The following UBA6 variants were observed in gnomAD, a reference collection of about 807,000 sequenced individuals.
The protein encoded by UBA6 is ubiquitin-like modifier-activating enzyme 6.
Under a neutral mutation model 148.3 loss-of-function variants are expected in UBA6, and 87 were observed. The observed-to-expected ratio is 0.59, with a 90% CI of 0.49 to 0.70. The LOEUF (loss-of-function observed/expected upper bound fraction) is 0.70. Ranked by LOEUF, UBA6 falls within the 30% of genes least tolerant of loss-of-function variation. The probability of loss-of-function intolerance (pLI) is 0.00; values close to 1 mark genes in which losing one functional copy is unlikely to be tolerated. For synonymous variants in UBA6, 376 were observed against 401.0 expected, an observed-to-expected ratio of 0.94 and a Z score of 0.75; for missense variants, 1,186 against 1,241.2, an observed-to-expected ratio of 0.96 and a Z score of 0.67.
intron 6 of UBA6, among the ~76,000 whole-genome samples, chr4:67,674,926 G>A (rs2109943841): frequency 6.6e-6 from 1 of 151,980 alleles, no homozygotes; most frequent in East Asian, 1.9e-4. Flanking sequence ...GTGCAGTGGT[G>A]CGATCTGGGC....
intron 14 of UBA6, among the ~76,000 whole-genome samples, chr4:67,647,296 A>G (rs1226542812): frequency 1.3e-5 from 2 of 152,110 alleles, no homozygotes; most frequent in East Asian, 3.9e-4. Flanking sequence ...AGTGCGTGCC[A>G]CCATGCCTGG....
chr4:67,663,835 C>T, intron 11 of UBA6, 50 bp downstream of exon 11: 1 of 1,482,566 alleles, frequency 6.7e-7, no homozygotes. Flanking sequence ...CTCACTAATT[C>T]TCATCTCTGA....
Position 67,622,918 on chromosome 4 carries a change from T to A in UBA6, c.2936A>T (p.Tyr979Phe). The A allele has an allele frequency of 6.2e-7, 1 of 1,607,570 alleles. No homozygotes were observed. Among genetic ancestry groups the A allele is most frequent in the South Asian group, 1.1e-5 (1 of 89,304 alleles). The change falls in exon 32 of 33, where the codon TAT becomes TTT. Residue 979 changes from tyrosine (Y) to phenylalanine (F), a missense_variant. Transcript: ENST00000322244. Reference protein sequence around the residue: ...LDFINAVKEKYGIEPTMVVQG... With the variant: ...LDFINAVKEKFGIEPTMVVQG... ...TACCACCATTGTTGGCTCAATTCCA[T>A]ACTTCTCCTAAAAGTGAATATCCAA...
At chr4:67,681,034 G>A (rs1730422336) in intron 4 of UBA6, among the ~76,000 whole-genome samples, 1 of 152,156 alleles carries the variant, frequency 6.6e-6, no homozygotes, top group Non-Finnish European at 1.5e-5. Context: ...AGCCTTGTAA[G>A]AGACTCCCAG....
At chr4:67,623,556 AT>A (rs1364108165) in intron 30 of UBA6, among the ~76,000 whole-genome samples, 1 of 152,122 alleles carries the variant, frequency 6.6e-6, no homozygotes, top group African/African-American at 2.4e-5. Context: ...CACTTCGGTT[AT>A]TCTAATCATT....
intron 1 of UBA6, among the ~76,000 whole-genome samples, chr4:67,699,009 T>C (rs553046978): frequency 4.3e-4 from 66 of 152,092 alleles, no homozygotes; most frequent in Admixed American, 2.0e-4. Flanking sequence ...AATGAATAAA[T>C]TTTAAAGGAA....
At chr4:67,650,848 A>C (rs1476557525) in intron 13 of UBA6, among the ~76,000 whole-genome samples, 1 of 152,166 alleles carries the variant, frequency 6.6e-6, no homozygotes, top group Non-Finnish European at 1.5e-5. Context: ...CTGGGAGAGA[A>C]AGATGTAAAC....
At chr4:67,692,806 T>C (rs796431320) in intron 2 of UBA6, among the ~76,000 whole-genome samples, 42 of 152,276 alleles carry the variant, frequency 2.8e-4, no homozygotes, top group African/African-American at 9.6e-4. Context: ...GGATTGTCAA[T>C]GCTATGGAAG....
In UBA6 at chr4:67,618,970, C is replaced by T. The variant is rs773209089; in HGVS notation, c.*27G>A. 1.1e-5 allele frequency: 17 copies of T among 1,608,742 alleles called. No homozygotes were observed. The Admixed American group carries it at 1.4e-4, about 13-fold the overall frequency. On this transcript the variant is annotated 3_prime_UTR_variant, in exon 33 of 33. Coordinates refer to ENST00000322244, the MANE Select transcript of UBA6 (RefSeq NM_018227.6). Reference sequence around the variant, plus strand: ...TGCACTCTTTCCAAAATCAAGTGGTCCTGGAGTAACGTTAAGACAACTTGT... The same window carrying T: ...TGCACTCTTTCCAAAATCAAGTGGTTCTGGAGTAACGTTAAGACAACTTGT...
At chr4:67,644,216 T>G (rs1729367979) in intron 17 of UBA6, among the ~76,000 whole-genome samples, 1 of 152,078 alleles carries the variant, frequency 6.6e-6, no homozygotes, top group Non-Finnish European at 1.5e-5. Flanking sequence ...TAACTCACAT[T>G]TAGAGTCTTA....
intron 10 of UBA6, among the ~76,000 whole-genome samples, chr4:67,664,523 A>G (rs1050575292): frequency 2.0e-5 from 3 of 152,076 alleles, no homozygotes; most frequent in African/African-American, 7.2e-5. Flanking sequence ...AAAGACAATT[A>G]TGTTAAAACC....
At chr4:67,677,894 A>C (rs531204310) in intron 5 of UBA6, among the ~76,000 whole-genome samples, 172 bp from the exon 6 acceptor site, 5 of 151,992 alleles carry the variant, frequency 3.3e-5, no homozygotes, top group Non-Finnish European at 7.4e-5. Flanking sequence ...GTAACCATAC[A>C]ATCTTGAAAT....
At chr4:67,630,646 A>G (rs768923631) in intron 25 of UBA6, 111 bp from the exon 26 acceptor site, 4 of 670,970 alleles carry the variant, frequency 6.0e-6, no homozygotes, top group African/African-American at 1.9e-5. Flanking sequence ...ATAACCACAG[A>G]ATTATTATTT....
intron 7 of UBA6, among the ~76,000 whole-genome samples, chr4:67,671,039 G>A (rs904362616): frequency 6.6e-6 from 1 of 152,008 alleles, no homozygotes; most frequent in African/African-American, 2.4e-5. Context: ...AAAGCTGAGA[G>A]CAGAGTCTAC....
At chr4:67,688,479 T>C (rs1446469559) in intron 2 of UBA6, among the ~76,000 whole-genome samples, 2 of 151,804 alleles carry the variant, frequency 1.3e-5, no homozygotes, top group Admixed American at 1.3e-4. Flanking sequence ...ATAAAACCCC[T>C]CTGAGAGAGA....
chr4:67,688,186 C>T (rs1396794695), intron 2 of UBA6, among the ~76,000 whole-genome samples: 2 of 152,078 alleles, frequency 1.3e-5, no homozygotes, highest in Non-Finnish European at 2.9e-5. Flanking sequence ...AAATTATATG[C>T]AAGGAAGAAC....
intron 9 of UBA6, 61 bp from the exon 10 acceptor site, chr4:67,665,353 C>G: frequency 9.9e-7 from 1 of 1,013,562 alleles, no homozygotes; most frequent in Non-Finnish European, 1.5e-6. Flanking sequence ...AATTTCAACT[C>G]TTATTGTCAT....
chr4:67,624,435 C>G (rs1278020410), intron 29 of UBA6, among the ~76,000 whole-genome samples, 182 bp from the exon 30 acceptor site: 1 of 152,046 alleles, frequency 6.6e-6, no homozygotes, highest in African/African-American at 2.4e-5. Flanking sequence ...TTTATACTTT[C>G]AAACTTTCAA....
intron 13 of UBA6, among the ~76,000 whole-genome samples, chr4:67,656,523 C>T (rs773556758): frequency 3.3e-5 from 5 of 152,086 alleles, no homozygotes; most frequent in African/African-American, 9.7e-5. Flanking sequence ...ATTGATGAAA[C>T]GTTACCTCAA....
Sources: gnomAD v4.1 joint callset for allele counts (sites outside exome capture counted in the v4.1 genomes callset) on GRCh38, gnomAD v4.1.1 for gene constraint, MANE v1.5 for transcripts, NCBI Gene and HGNC (gene_info 2026-07-23, HGNC 2026-07-21) for gene names.